The following NR6A1 variants were observed in gnomAD, a reference collection of about 807,000 sequenced individuals.
The protein encoded by NR6A1 is retinoic acid receptor-related testis-associated receptor.
NR6A1 carries 7 observed loss-of-function variants against 59.1 expected under a neutral mutation model. The ratio of observed to expected loss-of-function variants is 0.12; its 90% CI spans 0.07 to 0.22. NR6A1 has a LOEUF of 0.22. NR6A1 is among the 10% of genes least tolerant of loss of function. The pLI is 1.00. For missense variants in NR6A1, 468 were observed against 611.6 expected, an observed-to-expected ratio of 0.77 and a Z score of 2.48; for synonymous variants, 243 against 236.1, an observed-to-expected ratio of 1.03 and a Z score of -0.27.
Position 124,613,135 on chromosome 9 carries a change from A to C in NR6A1, c.143-58565T>G, listed in dbSNP as rs569413262. Among the ~76,000 whole-genome samples the C allele has an allele frequency of 5.9e-4, 90 of 152,252 alleles. 1 individual carries two copies. In the South Asian group the frequency reaches 0.018, roughly 31 times the overall value. On this transcript the variant is annotated intron_variant, in intron 2 of 9. Transcript: ENST00000487099. The stretch of plus-strand genomic sequence containing the variant: ...AGGATCGCTTGAGGCCGGGAGTTTG[A>C]GACCAGCCTGGCCAACATGGTGAGA...
intron 2 of NR6A1, among the ~76,000 whole-genome samples, chr9:124,611,344 C>A (rs1236529498): frequency 6.6e-6 from 1 of 152,094 alleles, no homozygotes; most frequent in Non-Finnish European, 1.5e-5. Flanking sequence ...TGTTTTCAAG[C>A]CCATTAGTGA....
intron 1 of NR6A1, 113 bp downstream of exon 1, chr9:124,770,899 AGGGGCCGC>A (rs766887494): frequency 1.5e-4 from 78 of 512,158 alleles, no homozygotes; most frequent in Middle Eastern, 5.4e-4. Flanking sequence ...GGCCACCCTA[AGGGGCCGC>A]GGGGCCGCTG....
chr9:124,744,981 G>A (rs916278609), intron 1 of NR6A1, among the ~76,000 whole-genome samples: 35 of 152,106 alleles, frequency 2.3e-4, no homozygotes, highest in Admixed American at 2.0e-4. Flanking sequence ...AAGGGAAGAT[G>A]GATGCATGAG....
intron 1 of NR6A1, among the ~76,000 whole-genome samples, chr9:124,744,914 T>A (rs1840281258): frequency 6.6e-6 from 1 of 152,182 alleles, no homozygotes; most frequent in Non-Finnish European, 1.5e-5. Context: ...CAAAGAGATG[T>A]CCCACATGTG....
At chr9:124,663,906 A>AT (rs1359208695) in intron 2 of NR6A1, among the ~76,000 whole-genome samples, 1 of 152,192 alleles carries the variant, frequency 6.6e-6, no homozygotes, top group Non-Finnish European at 1.5e-5. Flanking sequence ...AGTTAGTACC[A>AT]TTAAGTATAA....
chr9:124,593,343 T>C (rs12685833), intron 2 of NR6A1, among the ~76,000 whole-genome samples: 3,637 of 152,188 alleles, frequency 0.024, 120 homozygotes, highest in East Asian at 0.096. Flanking sequence ...ATCTTAGTTT[T>C]TTCATTCCCT....
At chr9:124,675,364 C>T (rs1344759519) in intron 2 of NR6A1, among the ~76,000 whole-genome samples, 2 of 152,216 alleles carry the variant, frequency 1.3e-5, no homozygotes, top group Non-Finnish European at 2.9e-5. Context: ...ATACTTTATT[C>T]ATCACCAGCA....
chr9:124,688,362 T>C (rs763381229), intron 2 of NR6A1, among the ~76,000 whole-genome samples: 5 of 151,448 alleles, frequency 3.3e-5, no homozygotes, highest in Admixed American at 6.6e-5. Flanking sequence ...GTGAATGTGG[T>C]CTCTCTCTCA....
chr9:124,634,691 G>A (rs1046324629), intron 2 of NR6A1, among the ~76,000 whole-genome samples: 7 of 152,054 alleles, frequency 4.6e-5, no homozygotes, highest in African/African-American at 1.4e-4. Flanking sequence ...GCATGGTGGC[G>A]GGCGCCTGTA....
At chr9:124,551,795 T>C (rs1017680270) in intron 3 of NR6A1, among the ~76,000 whole-genome samples, 2 of 152,206 alleles carry the variant, frequency 1.3e-5, no homozygotes, top group African/African-American at 2.4e-5. Flanking sequence ...TAAAGTTCTA[T>C]GGGTTTTGAC....
At chr9:124,732,338 A>T (rs959301758) in intron 2 of NR6A1, among the ~76,000 whole-genome samples, 5 of 152,240 alleles carry the variant, frequency 3.3e-5, no homozygotes, top group Non-Finnish European at 7.3e-5. Context: ...TTTCGGCATT[A>T]TAGCAAAATA....
rs71492413 is a variant in NR6A1 at position 124,525,284 on chromosome 9, AACACAC to A, written c.1202-417_1202-412del. Among the ~76,000 whole-genome samples the A allele has an allele frequency of 1.4e-3, 197 of 137,392 alleles. 4 individuals carry two copies. The East Asian group carries it at 0.036, about 25-fold the overall frequency. The allele number at this position is 137,392 out of a possible 152,430, so 90.1% of individuals were successfully genotyped here. On this transcript the variant is annotated intron_variant, in intron 8 of 9. Transcript: ENST00000487099. ...AATACCTACACATTCATGCTTGTAA[AACACAC>A]ACACACACACACACACACACACACA...
Position 124,520,618 on chromosome 9 carries a change from T to C in NR6A1, c.*2087A>G, listed in dbSNP as rs937510521. 36 of 152,362 alleles carry C rather than the reference T, an allele frequency of 2.4e-4. No homozygotes were observed. The highest frequency in any genetic ancestry group is 7.7e-4 in the African/African-American group (32 of 41,590). 9.4% of individuals were successfully genotyped at this position (152,362 alleles called of 1,614,324 possible). On this transcript the variant is annotated 3_prime_UTR_variant, in exon 10 of 10. Transcript: ENST00000487099. ...AGATAGAGGCCTCAGCAAAGAACGA[T>C]GCTGTACACAGGAGCTGTCTTAGAG...
At chr9:124,637,693 C>A (rs1358340476) in intron 2 of NR6A1, among the ~76,000 whole-genome samples, 2 of 152,024 alleles carry the variant, frequency 1.3e-5, no homozygotes, top group Non-Finnish European at 2.9e-5. Context: ...GAGTTCGACA[C>A]CAGCCTAGCC....
chr9:124,630,366 T>C (rs190286712), intron 2 of NR6A1, among the ~76,000 whole-genome samples: 12 of 151,838 alleles, frequency 7.9e-5, no homozygotes, highest in African/African-American at 2.4e-5. Context: ...GAGTAGCTAG[T>C]AGCAGGCGCA....
At chr9:124,541,743 C>T (rs575824958) in intron 4 of NR6A1, among the ~76,000 whole-genome samples, 1 of 152,342 alleles carries the variant, frequency 6.6e-6, no homozygotes, top group African/African-American at 2.4e-5. Flanking sequence ...ACGTTCACTG[C>T]AGCATTATTC....
At chr9:124,614,871 A>G (rs1160359383) in intron 2 of NR6A1, among the ~76,000 whole-genome samples, 1 of 152,168 alleles carries the variant, frequency 6.6e-6, no homozygotes, top group Non-Finnish European at 1.5e-5. Context: ...AGACACTCAA[A>G]TGCATTAAAG....
At chr9:124,635,804 T>C (rs1260672634) in intron 2 of NR6A1, among the ~76,000 whole-genome samples, 1 of 152,252 alleles carries the variant, frequency 6.6e-6, no homozygotes, top group Non-Finnish European at 1.5e-5. Flanking sequence ...TTTTGGCAAT[T>C]ATGAATAAAG....
intron 2 of NR6A1, among the ~76,000 whole-genome samples, chr9:124,587,682 T>C (rs1011186761): frequency 6.6e-6 from 1 of 152,226 alleles, no homozygotes; most frequent in Non-Finnish European, 1.5e-5. Flanking sequence ...AGAAAGTGCT[T>C]TTGTAACTTC....
Sources: gnomAD v4.1 joint callset for allele counts (sites outside exome capture counted in the v4.1 genomes callset) on GRCh38, gnomAD v4.1.1 for gene constraint, MANE v1.5 for transcripts, NCBI Gene and HGNC (gene_info 2026-07-23, HGNC 2026-07-21) for gene names.